The following GAD2 variants were observed in gnomAD, a reference collection of about 807,000 sequenced individuals.
GAD2 encodes the protein 65 kDa glutamic acid decarboxylase.
In GAD2, 22 loss-of-function variants were observed where a neutral mutation model predicts 80.1. The ratio of observed to expected loss-of-function variants is 0.27; its 90% confidence interval spans 0.20 to 0.39. The LOEUF (loss-of-function observed/expected upper bound fraction) is 0.39, where lower values mean the gene tolerates loss of function less well. Among genes scored for constraint, GAD2 ranks in the 10% least tolerant of loss-of-function variants. The pLI is 1.00. For synonymous variants in GAD2, 274 were observed against 256.9 expected (o/e 1.07, Z -0.64); for missense variants, 624 against 738.4 (o/e 0.85, Z 1.80).
chr10:26,285,177 A>G (rs1280932687), intron 12 of GAD2, among the ~76,000 whole-genome samples: 1 of 152,254 alleles, frequency 6.6e-6, no homozygotes, highest in Non-Finnish European at 1.5e-5. Context: ...CTGAAAAATA[A>G]TGAAAGGATT....
At chr10:26,223,688 T>G (rs1014173224) in intron 4 of GAD2, among the ~76,000 whole-genome samples, 199 bp from the exon 5 acceptor site, 2 of 114,848 alleles carry the variant, frequency 1.7e-5, no homozygotes, top group African/African-American at 2.1e-4. Context: ...GCTTTTATGG[T>G]GTGTGTGTGT....
At chr10:26,265,843 C>T (rs1451570614) in intron 8 of GAD2, among the ~76,000 whole-genome samples, 1 of 152,250 alleles carries the variant, frequency 6.6e-6, no homozygotes, top group African/African-American at 2.4e-5. Context: ...CTGCAGAGGA[C>T]AATCTGTTGG....
chr10:26,251,004 C>T (rs1456746263), intron 8 of GAD2, among the ~76,000 whole-genome samples: 1 of 150,742 alleles, frequency 6.6e-6, no homozygotes, highest in Admixed American at 6.6e-5. Context: ...CTCAGCCTCC[C>T]AAGTAGCTGG....
upstream of GAD2, chr10:26,216,550 G>C (rs1452838585): frequency 3.0e-6 from 1 of 338,982 alleles, no homozygotes; most frequent in Non-Finnish European, 5.3e-6. The surrounding 1 kb of genome is among the most constrained non-coding windows in gnomAD (Gnocchi z 4.7). Flanking sequence ...CCCTTAGGTA[G>C]TCCCGGTCTC....
rs1329943382 is a variant in GAD2 at position 26,301,023 on chromosome 10, G to T, written c.*62G>T. On this transcript the variant is annotated 3_prime_UTR_variant, in exon 16 of 16. Transcript: ENST00000376261. ...AGACAATTAAGTTGTCACAAACTGT[G>T]TGAATGTATTTGTAGTTTGTTCCAA... 8.9e-6 allele frequency: 12 copies of T among 1,352,382 alleles called. No homozygotes were observed. The highest frequency in any genetic ancestry group is 1.3e-5 in the Non-Finnish European group (12 of 950,672). 83.8% of individuals were successfully genotyped at this position (1,352,382 alleles called of 1,614,324 possible).
intron 4 of GAD2, among the ~76,000 whole-genome samples, chr10:26,222,550 A>G (rs553727487): frequency 8.9e-4 from 135 of 152,310 alleles, no homozygotes; most frequent in African/African-American, 3.0e-3. Flanking sequence ...GCAGCAAAAA[A>G]GCCTTCTCAC....
chr10:26,292,952 T>A lies in GAD2; in HGVS notation c.1545T>A (p.Thr515=). ...GGTACATTCCTCCAAGCTTGCGTAC[T>A]CTGGAAGACAATGAAGAGAGAATGA... is the stretch of plus-strand genomic sequence containing the variant. ...CFWYIPPSLR[T]LEDNEERMSR... is the part of the protein sequence containing the mutation. Residue 515 remains threonine (T), a synonymous_variant, in exon 15 of 16, where the codon ACT becomes ACA. Transcript: ENST00000376261. The A allele has an allele frequency of 6.2e-7, 1 of 1,613,980 alleles. No individual in the cohort carries two copies. The highest frequency in any genetic ancestry group is 8.5e-7 in the Non-Finnish European group (1 of 1,179,912).
chr10:26,278,053 G>T (rs974257280), intron 11 of GAD2, among the ~76,000 whole-genome samples: 2 of 151,952 alleles, frequency 1.3e-5, no homozygotes, highest in African/African-American at 4.8e-5. Flanking sequence ...GAATCAATCT[G>T]CAGGGCTTTT....
chr10:26,281,149 T>G, intron 12 of GAD2, 62 bp downstream of exon 12: 1 of 1,185,120 alleles, frequency 8.4e-7, no homozygotes, highest in Non-Finnish European at 1.3e-6. Context: ...TTTATGCGGT[T>G]GACTTTCTCT....
intron 3 of GAD2, among the ~76,000 whole-genome samples, chr10:26,218,760 T>A (rs774670174): frequency 6.6e-6 from 1 of 152,096 alleles, no homozygotes; most frequent in Non-Finnish European, 1.5e-5. Context: ...GTGAACTAGA[T>A]AAACGGAGGT....
chr10:26,219,432 T>G, intron 4 of GAD2, 156 bp downstream of exon 4: 1 of 568,138 alleles, frequency 1.8e-6, no homozygotes. Context: ...AGAATGATTC[T>G]AATCCAAAGC....
intron 10 of GAD2, among the ~76,000 whole-genome samples, chr10:26,272,910 T>C (rs1398698316): frequency 1.3e-5 from 2 of 151,968 alleles, no homozygotes; most frequent in Non-Finnish European, 2.9e-5. Flanking sequence ...CAACAAAAGG[T>C]GGGGGGAAGT....
chr10:26,266,548 G>A (rs930670718), intron 8 of GAD2, among the ~76,000 whole-genome samples: 1 of 152,146 alleles, frequency 6.6e-6, no homozygotes, highest in Non-Finnish European at 1.5e-5. Context: ...TCTACCACCT[G>A]CCATATGTCA....
At chr10:26,273,827 T>C in intron 11 of GAD2, 127 bp downstream of exon 11, 1 of 710,898 alleles carries the variant, frequency 1.4e-6, no homozygotes, top group South Asian at 1.8e-5. Flanking sequence ...CTTGTGTTCC[T>C]TGCCTTATGT....
chr10:26,251,242 C>A (rs114295910), intron 8 of GAD2, among the ~76,000 whole-genome samples: 2,252 of 151,956 alleles, frequency 0.015, 55 homozygotes, highest in African/African-American at 0.05. Flanking sequence ...GAGTATTTTT[C>A]CACATGATTA....
intron 8 of GAD2, among the ~76,000 whole-genome samples, chr10:26,266,321 T>C (rs1036342002): frequency 3.3e-5 from 5 of 152,178 alleles, no homozygotes; most frequent in African/African-American, 1.2e-4. Flanking sequence ...AATGGGGCCA[T>C]GTATTTTAAA....
chr10:26,279,723 G>T (rs1245947788), intron 11 of GAD2, among the ~76,000 whole-genome samples: 1 of 152,122 alleles, frequency 6.6e-6, no homozygotes, highest in African/African-American at 2.4e-5. Context: ...GCACGGAATC[G>T]CTGTTGTGTG....
At chr10:26,244,000 T>C (rs6482542) in intron 7 of GAD2, among the ~76,000 whole-genome samples, 4,023 of 152,306 alleles carry the variant, frequency 0.026, 192 homozygotes, top group African/African-American at 0.092. Context: ...ATCTTTCCAG[T>C]TTCCCTCAAA....
At chr10:26,280,984 C>T (rs779121714) in intron 11 of GAD2, 25 bp from the exon 12 acceptor site, 11 of 1,593,692 alleles carry the variant, frequency 6.9e-6, no homozygotes, top group South Asian at 2.2e-5. Context: ...GAGTGCCACC[C>T]GCTTATGTGA....
Sources: gnomAD v4.1 joint callset for allele counts (sites outside exome capture counted in the v4.1 genomes callset) on GRCh38, gnomAD v4.1.1 for gene constraint, Gnocchi (gnomAD v3.1) non-coding constraint, MANE v1.5 for transcripts, NCBI Gene and HGNC (gene_info 2026-07-23, HGNC 2026-07-21) for gene names.